The following GGA1 variants were observed in gnomAD, a reference collection of about 807,000 sequenced individuals.
The protein encoded by GGA1 is ADP-ribosylation factor-binding protein GGA1.
In GGA1, 18 loss-of-function variants were observed where a neutral mutation model predicts 76.9. The observed-to-expected ratio is 0.23, with a 90% confidence interval of 0.16 to 0.35. GGA1 has a LOEUF of 0.35. Among genes scored for constraint, GGA1 ranks in the 10% least tolerant of loss-of-function variants. The pLI is 1.00. For synonymous variants in GGA1, 342 were observed against 354.7 expected (o/e 0.96, Z 0.40); for missense variants, 755 against 859.0 (o/e 0.88, Z 1.51).
chr22:37,631,514 CAT>C (rs908026595), intron 14 of GGA1, among the ~76,000 whole-genome samples: 2 of 152,186 alleles, frequency 1.3e-5, no homozygotes, highest in Admixed American at 6.5e-5. Context: ...CAAGCAGACA[CAT>C]GAGGCCTGGT....
chr22:37,629,418 AG>A, intron 11 of GGA1, 43 bp from the exon 12 acceptor site: 1 of 1,410,316 alleles, frequency 7.1e-7, no homozygotes, highest in Non-Finnish European at 9.9e-7. Context: ...TGGCCTCTGC[AG>A]GGTCAGCCCA....
chr22:37,609,654 T>C (rs898725335), intron 1 of GGA1, among the ~76,000 whole-genome samples: 9 of 152,130 alleles, frequency 5.9e-5, no homozygotes, highest in African/African-American at 1.9e-4. Context: ...TGCTTAGGCT[T>C]CCTAGCCCGC....
intron 3 of GGA1, chr22:37,618,139 A>G (rs1193336233): frequency 8.4e-6 from 2 of 238,260 alleles, no homozygotes; most frequent in East Asian, 7.9e-5. Context: ...AAAAAAAAAA[A>G]GGAAAAATAG....
chr22:37,630,968 G>T lies in GGA1; in HGVS notation c.1397G>T (p.Ser466Ile), dbSNP rs1231231169. 6.2e-7 allele frequency: 1 copy of T among 1,613,194 alleles called. No homozygotes were observed. The highest frequency in any genetic ancestry group is 1.3e-5 in the African/African-American group (1 of 74,894). The stretch of plus-strand genomic sequence containing the variant: ...CTGCAGAATAAGAGCAGCAGCTGCA[G>T]CTCCCCCAGCTCCAGCGCCACCAGC... The part of the protein sequence containing the change: ...RDLQNKSSSC[S>I]SPSSSATSLL... Residue 466 changes from serine (S) to isoleucine (I), a missense_variant, in exon 14 of 17, where the codon AGC becomes ATC. Coordinates refer to ENST00000343632, the MANE Select transcript of GGA1 (RefSeq NM_013365.5).
chr22:37,613,968 GT>G, intron 1 of GGA1: 1 of 528,738 alleles, frequency 1.9e-6, no homozygotes, highest in South Asian at 2.0e-5. Context: ...CCTGACCATA[GT>G]CTCTAAAAGT....
At position 37,625,776 on chromosome 22, in the gene GGA1, G is replaced by C; in HGVS notation, c.941-21G>C. On this transcript the variant is annotated intron_variant, in intron 10 of 16. Transcript: ENST00000343632. The surrounding 1 kb of genome is among the most constrained non-coding windows in gnomAD (Gnocchi z 4.1). ...ACACGTGTACACCCAGGACTTGCCA[G>C]CCTCTTCTTTCCCACCCCAGGGAGC... 6.5e-7 allele frequency: 1 copy of C among 1,535,716 alleles called. No homozygotes were observed. The highest frequency in any genetic ancestry group is 1.2e-5 in the South Asian group (1 of 80,608).
chr22:37,620,665 C>G (rs1929714724), intron 5 of GGA1, 148 bp from the exon 6 acceptor site: 2 of 661,376 alleles, frequency 3.0e-6, no homozygotes, highest in East Asian at 2.6e-5. Flanking sequence ...TAGGAGTAGG[C>G]CCAGGCCACT....
chr22:37,619,943 T>G, intron 4 of GGA1: 1 of 665,534 alleles, frequency 1.5e-6, no homozygotes, highest in South Asian at 1.7e-5. Flanking sequence ...ATGTCAAGGC[T>G]AAGTCCCCAG....
At chr22:37,629,698 C>T (rs1030339623) in intron 12 of GGA1, among the ~76,000 whole-genome samples, 172 bp downstream of exon 12, 1 of 152,180 alleles carries the variant, frequency 6.6e-6, no homozygotes, top group Non-Finnish European at 1.5e-5. Flanking sequence ...CCTCCCCTTA[C>T]CTCCAGCTGT....
intron 1 of GGA1, among the ~76,000 whole-genome samples, chr22:37,611,092 C>G (rs1210646520): frequency 6.6e-6 from 1 of 152,204 alleles, no homozygotes; most frequent in Admixed American, 6.5e-5. Flanking sequence ...CAGTGATTCT[C>G]TAACTTTAGA....
Position 37,614,213 on chromosome 22 carries a change from A to G in GGA1, c.67A>G (p.Lys23Glu). 1 of 1,613,636 alleles carries G rather than the reference A, an allele frequency of 6.2e-7. No homozygotes were observed. The highest frequency in any genetic ancestry group is 8.5e-7 in the Non-Finnish European group (1 of 1,179,756). Residue 23 changes from lysine to glutamate, a missense_variant, in exon 2 of 17, where the codon AAG (lysine) becomes GAG (glutamate). Lys to Glu is a moderately conservative substitution (Grantham distance 56). Transcript: ENST00000343632. ...AGATAGAGCCACGAACCCCCTGAAC[A>G]AGGAGCTCGACTGGGCCAGCATCAA... ...RINRATNPLN[K>E]ELDWASINGF...
Position 37,625,959 on chromosome 22 carries a change from G to A in GGA1, c.1093+10G>A, listed in dbSNP as rs749031986. On this transcript the variant is annotated intron_variant, in intron 11 of 16. Transcript: ENST00000343632. This position sits in a 1 kb window ranked among gnomAD's most constrained non-coding sequence, Gnocchi z 4.1. Reference sequence around the variant, plus strand: ...GAGCTCATGTCTCTGGGTGAGGAAGGGGCCAGGCCTGGAGGAGGGCGGGCT... The same window carrying A: ...GAGCTCATGTCTCTGGGTGAGGAAGAGGCCAGGCCTGGAGGAGGGCGGGCT... The A allele has an allele frequency of 5.7e-6, 9 of 1,579,402 alleles. No homozygotes were observed. The highest frequency in any genetic ancestry group is 7.7e-6 in the Non-Finnish European group (9 of 1,162,828).
At chr22:37,622,247 T>C (rs982854783) in intron 7 of GGA1, among the ~76,000 whole-genome samples, 1 of 150,570 alleles carries the variant, frequency 6.6e-6, no homozygotes, top group South Asian at 2.1e-4. Context: ...CCGGTATAGT[T>C]TTTGTATTTT....
chr22:37,630,357 A>ATCTCACAGAGCACAGTTTATGGGAC, intron 13 of GGA1, 187 bp downstream of exon 13: 1 of 559,456 alleles, frequency 1.8e-6, no homozygotes, highest in East Asian at 3.3e-5. Context: ...ACCTGGGCCC[A>ATCTCACAGAGCACAGTTTATGGGAC]CTGGCCTGGC....
chr22:37,625,035 G>T lies in GGA1; in HGVS notation c.899G>T (p.Gly300Val), dbSNP rs1930559387. ...VINLYKQLVR[G>V]EEVNGDATAG... ...AACCTGTATAAGCAGCTGGTGCGGG[G>T]TGAGGAGGTCAACGGTGATGCCACA... The change falls in exon 10 of 17, where the codon GGT (glycine) becomes GTT (valine). Residue 300 changes from glycine (G) to valine (V), a missense_variant. Transcript: ENST00000343632. The surrounding 1 kb of genome is among the most constrained non-coding windows in gnomAD (Gnocchi z 4.1). 6.2e-7 allele frequency: 1 copy of T among 1,601,964 alleles called. No homozygotes were observed. The highest frequency in any genetic ancestry group is 2.2e-5 in the East Asian group (1 of 44,534).
In GGA1 at chr22:37,625,911, C is replaced by T. The variant is rs1930735936; in HGVS notation, c.1055C>T (p.Ala352Val). ...CAGGCCAGCCCTGAGCAGCCCAGTG[C>T]CTCAGTTTCCCTGCTTGACGACGAG... ...GEQASPEQPS[A>V]SVSLLDDELM... The change falls in exon 11 of 17, where the codon GCC becomes GTC. Residue 352 changes from alanine (A) to valine (V), a missense_variant. Physicochemically the swap from Ala to Val is moderately conservative, Grantham distance 64. Coordinates refer to ENST00000343632, the MANE Select transcript of GGA1 (RefSeq NM_013365.5). The surrounding 1 kb of genome is among the most constrained non-coding windows in gnomAD (Gnocchi z 4.1). The T allele has an allele frequency of 1.2e-6, 2 of 1,602,598 alleles. No homozygotes were observed. Among genetic ancestry groups the T allele is most frequent in the Non-Finnish European group, 1.7e-6 (2 of 1,174,490 alleles).
intron 1 of GGA1, among the ~76,000 whole-genome samples, chr22:37,611,743 C>T (rs796325483): frequency 3.3e-5 from 5 of 152,188 alleles, no homozygotes; most frequent in South Asian, 4.1e-4. Context: ...GGTGCTCAGG[C>T]GTGGGCAGAA....
rs557230327 is a variant in GGA1 at position 37,632,919 on chromosome 22, G to A, written c.*208G>A. 5.5e-5 allele frequency: 32 copies of A among 577,418 alleles called. No homozygotes were observed. In the East Asian group the frequency reaches 8.8e-4, roughly 16 times the overall value. The allele number at this position is 577,418 out of a possible 1,614,324, so 35.8% of individuals were successfully genotyped here. A position where few individuals can be genotyped will look rare whatever the true frequency, so the allele number is the denominator to read the frequency against. On this transcript the variant is annotated 3_prime_UTR_variant, in exon 17 of 17. Transcript: ENST00000343632. The surrounding 1 kb of genome is among the most constrained non-coding windows in gnomAD (Gnocchi z 5.1). The stretch of plus-strand genomic sequence containing the variant: ...GCTGAGCCAAACCCAGTAGGAGGCT[G>A]GGCCTGGGTTTGTGCCGCTGGGGTC...
intron 2 of GGA1, among the ~76,000 whole-genome samples, chr22:37,615,848 T>C (rs1364983480): frequency 2.4e-5 from 3 of 122,990 alleles, no homozygotes; most frequent in Non-Finnish European, 4.6e-5. Flanking sequence ...ATTCTTTTTA[T>C]TTTTTTTTTT....
Sources: allele counts gnomAD v4.1 joint callset (sites outside exome capture counted in the v4.1 genomes callset), GRCh38; gene constraint gnomAD v4.1.1; non-coding constraint Gnocchi (gnomAD v3.1); transcripts MANE v1.5; gene names NCBI Gene and HGNC (gene_info 2026-07-23, HGNC 2026-07-21).